ARMH1: variants seen among roughly 807,000 people sequenced by gnomAD.
The protein encoded by ARMH1 is armadillo like helical domain containing 1.
ARMH1 carries 34 observed loss-of-function variants against 50.2 expected under a neutral mutation model. The ratio of observed to expected loss-of-function variants is 0.68; its 90% confidence interval spans 0.51 to 0.90. The LOEUF (loss-of-function observed/expected upper bound fraction) is 0.90. Among genes scored for constraint, ARMH1 ranks in the 40% least tolerant of loss-of-function variants. The probability of loss-of-function intolerance (pLI) is 0.00; values close to 1 mark genes in which losing one functional copy is unlikely to be tolerated. For missense variants in ARMH1, 538 were observed against 553.9 expected, an observed-to-expected ratio of 0.97 and a Z score of 0.29; for synonymous variants, 221 against 224.2, an observed-to-expected ratio of 0.99 and a Z score of 0.13.
chr1:44,697,291 T>A (rs1645859378), intron 3 of ARMH1, 121 bp downstream of exon 3: 2 of 768,380 alleles, frequency 2.6e-6, no homozygotes, highest in Non-Finnish European at 4.5e-6. Flanking sequence ...TTGTAGCTCT[T>A]GGGATGGGCC....
At chr1:44,689,382 C>T (rs892462185) in intron 1 of ARMH1, among the ~76,000 whole-genome samples, 1 of 152,072 alleles carries the variant, frequency 6.6e-6, no homozygotes, top group East Asian at 1.9e-4. Flanking sequence ...ACTTTTATCT[C>T]AGCTGGATGC....
chr1:44,714,805 C>G (rs1032226898), intron 6 of ARMH1, among the ~76,000 whole-genome samples: 2 of 151,962 alleles, frequency 1.3e-5, no homozygotes, highest in African/African-American at 2.4e-5. Context: ...GCCACTATGC[C>G]TGGCTAATTT....
At chr1:44,709,971 ATTAAC>A (rs1024719137) in intron 6 of ARMH1, among the ~76,000 whole-genome samples, 4 of 152,210 alleles carry the variant, frequency 2.6e-5, no homozygotes, top group African/African-American at 7.2e-5. Context: ...AGAACCTGGA[ATTAAC>A]TTGACTTGCT....
At chr1:44,679,539 T>A (rs1300834999) in intron 1 of ARMH1, among the ~76,000 whole-genome samples, 1 of 152,240 alleles carries the variant, frequency 6.6e-6, no homozygotes, top group Non-Finnish European at 1.5e-5. Flanking sequence ...CTAAATAACA[T>A]TATGGTTTAC....
rs1043533197 is a variant in ARMH1 at position 44,710,405 on chromosome 1, C to T, written c.724+6232C>T. 3.9e-5 allele frequency among the ~76,000 whole-genome samples: 6 copies of T among 151,926 alleles called. 1 individual carries two copies. The highest frequency in any genetic ancestry group is 1.5e-4 in the African/African-American group (6 of 41,352). On this transcript the variant is annotated intron_variant, in intron 6 of 11. Coordinates refer to ENST00000535358, the MANE Select transcript of ARMH1 (RefSeq NM_001145636.2). The stretch of plus-strand genomic sequence containing the variant: ...CAGGTGGATCACGAGGTCAGGAGAT[C>T]GAGACCATCCTGGCTAACACGGTGA...
intron 6 of ARMH1, among the ~76,000 whole-genome samples, chr1:44,723,246 C>G (rs1045601484): frequency 6.6e-6 from 1 of 152,148 alleles, no homozygotes; most frequent in Non-Finnish European, 1.5e-5. Flanking sequence ...TCCACAGCAC[C>G]TGTCACCATA....
chr1:44,686,249 G>C (rs1389356552), intron 1 of ARMH1, among the ~76,000 whole-genome samples: 1 of 152,138 alleles, frequency 6.6e-6, no homozygotes, highest in African/African-American at 2.4e-5. Flanking sequence ...GGGACATTTG[G>C]AATGAAATAG....
At chr1:44,685,914 C>T (rs1645456539) in intron 1 of ARMH1, among the ~76,000 whole-genome samples, 1 of 152,150 alleles carries the variant, frequency 6.6e-6, no homozygotes, top group Non-Finnish European at 1.5e-5. Flanking sequence ...GCGTGAGCCA[C>T]CGCGCCCGGC....
chr1:44,712,930 C>T (rs1646682177), intron 6 of ARMH1, among the ~76,000 whole-genome samples: 2 of 152,074 alleles, frequency 1.3e-5, no homozygotes, highest in South Asian at 4.1e-4. Flanking sequence ...TCCTAAAGTG[C>T]TAGGATTACA....
At chr1:44,699,832 AT>A (rs771770605) in intron 4 of ARMH1, among the ~76,000 whole-genome samples, 4,063 of 121,504 alleles carry the variant, frequency 0.033, 64 homozygotes, top group African/African-American at 0.059. Flanking sequence ...TTCTTTTTCT[AT>A]TTTTTTTTTT....
At chr1:44,711,308 G>A (rs1362586716) in intron 6 of ARMH1, among the ~76,000 whole-genome samples, 2 of 152,208 alleles carry the variant, frequency 1.3e-5, no homozygotes, top group East Asian at 3.8e-4. Context: ...TACATTCCCA[G>A]TAGCAGCAAT....
At position 44,724,811 on chromosome 1, in the gene ARMH1, TG is replaced by T. The variant is rs1557576443; in HGVS notation, c.1105del (p.Glu369ArgfsTer8). ...PLVAEHVRKC[M>X]GEELYQLFLS... The stretch of plus-strand genomic sequence containing the variant: ...GTGGCGGAGCACGTGCGCAAGTGCA[TG>T]GGGGAGGAACTCTACCAGCTCTTCC... On this transcript the variant is annotated frameshift_variant, in exon 10 of 12. Transcript: ENST00000535358. LOFTEE classifies it high-confidence loss of function. This position sits in a 1 kb window ranked among gnomAD's most constrained non-coding sequence, Gnocchi z 6.4. The T allele has an allele frequency of 2.6e-6, 4 of 1,542,592 alleles. No individual in the cohort carries two copies. Among genetic ancestry groups the T allele is most frequent in the South Asian group, 1.2e-5 (1 of 83,986 alleles).
intron 2 of ARMH1, 50 bp downstream of exon 2, chr1:44,689,953 C>T (rs1645603358): frequency 4.0e-6 from 6 of 1,506,468 alleles, no homozygotes; most frequent in South Asian, 1.2e-5. Context: ...GGCACGGTGG[C>T]TCACGCCTGT....
intron 1 of ARMH1, among the ~76,000 whole-genome samples, chr1:44,688,837 G>A (rs1283341606): frequency 6.6e-6 from 1 of 152,120 alleles, no homozygotes; most frequent in Non-Finnish European, 1.5e-5. Flanking sequence ...ACAAACCACA[G>A]CCCATTAATC....
chr1:44,689,937 G>A (rs947434918), intron 2 of ARMH1, 34 bp downstream of exon 2: 3 of 1,528,696 alleles, frequency 2.0e-6, no homozygotes, highest in Non-Finnish European at 1.8e-6. Context: ...AAAAAATTAG[G>A]CACCGGGCAC....
intron 6 of ARMH1, among the ~76,000 whole-genome samples, chr1:44,714,616 A>G (rs1318589394): frequency 1.3e-5 from 2 of 151,658 alleles, no homozygotes; most frequent in East Asian, 3.9e-4. Context: ...CAGGGTATAC[A>G]GAAATCAGAG....
At chr1:44,721,465 C>T (rs1210081904) in intron 6 of ARMH1, among the ~76,000 whole-genome samples, 2 of 152,030 alleles carry the variant, frequency 1.3e-5, no homozygotes, top group Non-Finnish European at 2.9e-5. Flanking sequence ...ACTCACAAGA[C>T]TTCAGCCAAA....
intron 2 of ARMH1, 70 bp from the exon 3 acceptor site, chr1:44,697,032 A>G (rs1645849844): frequency 1.7e-6 from 2 of 1,199,274 alleles, no homozygotes; most frequent in Non-Finnish European, 2.4e-6. Flanking sequence ...GTGGTACCAG[A>G]GATCAGGCAC....
Position 44,724,581 on chromosome 1 carries a change from G to C in ARMH1, c.963G>C (p.Leu321=). ...ACATGAGCATCGCCGAGGAGCTGCT[G>C]TACCTGCGCGTGGTGCGTGGCCTAA... The part of the protein sequence containing the change: ...RNDMSIAEEL[L]YLRVVRGLMA... The change falls in exon 9 of 12, where the codon CTG becomes CTC. Residue 321 remains leucine, a synonymous_variant. Transcript: ENST00000535358. This position sits in a 1 kb window ranked among gnomAD's most constrained non-coding sequence, Gnocchi z 6.4. 1 of 1,517,866 alleles carries C rather than the reference G, an allele frequency of 6.6e-7. No individual in the cohort carries two copies. Among genetic ancestry groups the C allele is most frequent in the Non-Finnish European group, 8.8e-7 (1 of 1,135,466 alleles). The allele number at this position is 1,517,866 out of a possible 1,614,324, so 94.0% of individuals were successfully genotyped here.
Sources: allele counts gnomAD v4.1 joint callset (sites outside exome capture counted in the v4.1 genomes callset), GRCh38; gene constraint gnomAD v4.1.1; non-coding constraint Gnocchi (gnomAD v3.1); transcripts MANE v1.5; gene names NCBI Gene and HGNC (gene_info 2026-07-23, HGNC 2026-07-21).